Variants in SHROOM2 observed in about 807,000 individuals in gnomAD.
SHROOM2 encodes protein Shroom2.
A neutral mutation model predicts 75.9 loss-of-function variants in SHROOM2; 33 were observed. That is an observed-to-expected ratio of 0.43 (90% CI 0.33 to 0.58). The LOEUF (loss-of-function observed/expected upper bound fraction) is 0.58. SHROOM2 is among the 20% of genes least tolerant of loss of function. SHROOM2 has a pLI of 0.04. For missense variants in SHROOM2, 1,434 were observed against 1,461.2 expected (o/e 0.98, Z 0.30); for synonymous variants, 655 against 663.6 (o/e 0.99, Z 0.20).
chrX:9,897,544 C>G (rs192922318), intron 4 of SHROOM2, among the ~76,000 whole-genome samples: 1,313 of 78,572 alleles, frequency 0.017, 33 homozygotes, highest in African/African-American at 0.059. Context: ...CAAAGCAAGA[C>G]CTTATCTCTA....
intron 1 of SHROOM2, among the ~76,000 whole-genome samples, chrX:9,820,408 A>G (rs753866202): frequency 1.1e-3 from 116 of 110,157 alleles, no homozygotes; most frequent in African/African-American, 3.7e-3. Context: ...TCTGTCACCC[A>G]GGCTGGAGTG....
chrX:9,935,462 G>A (rs1301419682), intron 6 of SHROOM2, among the ~76,000 whole-genome samples: 1 of 111,142 alleles, frequency 9.0e-6, no homozygotes, highest in Non-Finnish European at 1.9e-5. Flanking sequence ...TTCCAGGTGT[G>A]AGCCACTGTG....
chrX:9,869,964 C>T (rs1460887953), intron 1 of SHROOM2, among the ~76,000 whole-genome samples: 3 of 111,585 alleles, frequency 2.7e-5, no homozygotes, highest in Non-Finnish European at 5.6e-5. Context: ...ATGTTTGTAA[C>T]CCCAGCACTT....
rs185760351 is a variant in SHROOM2, at chrX:9,921,556, G to A, written c.2892-10619G>A. 6.0e-3 allele frequency among the ~76,000 whole-genome samples: 547 copies of A among 90,474 alleles called. 2 individuals carry two copies. The highest frequency in any genetic ancestry group is 0.025 in the African/African-American group (531 of 21,047). The allele number at this position is 90,474 out of a possible 115,157, so 78.6% of individuals were successfully genotyped here. ...CTACAGACGCTGCGCTGTGCAGTAGGTCTCTGGGTAATTCATCTTGCGTAA... is the reference window on the plus strand; with the variant it reads ...CTACAGACGCTGCGCTGTGCAGTAGATCTCTGGGTAATTCATCTTGCGTAA... On this transcript the variant is annotated intron_variant, in intron 5 of 9. Coordinates refer to ENST00000380913, the MANE Select transcript of SHROOM2 (RefSeq NM_001649.4).
chrX:9,836,983 T>C (rs2083949598), intron 1 of SHROOM2, among the ~76,000 whole-genome samples: 1 of 112,475 alleles, frequency 8.9e-6, no homozygotes, highest in Non-Finnish European at 1.9e-5. Flanking sequence ...TGGTGTTCTG[T>C]GACTGGCTTT....
At chrX:9,806,402 AAAT>A (rs2083752239) in intron 1 of SHROOM2, among the ~76,000 whole-genome samples, 1 of 109,297 alleles carries the variant, frequency 9.1e-6, no homozygotes, top group Non-Finnish European at 1.9e-5. Flanking sequence ...AATATATATA[AAAT>A]AATCAAATAC....
intron 1 of SHROOM2, among the ~76,000 whole-genome samples, chrX:9,848,621 G>C (rs1187552614): frequency 9.1e-6 from 1 of 110,272 alleles, no homozygotes; most frequent in Non-Finnish European, 1.9e-5. Context: ...AGAGGAACTA[G>C]GAGGAGACTT....
intron 1 of SHROOM2, among the ~76,000 whole-genome samples, chrX:9,844,824 TAAA>T (rs2083997391): frequency 3.6e-5 from 4 of 110,148 alleles, no homozygotes; most frequent in Admixed American, 2.0e-4. Flanking sequence ...TTAAAATAAA[TAAA>T]TAAATTAATT....
intron 5 of SHROOM2, among the ~76,000 whole-genome samples, 175 bp downstream of exon 5, chrX:9,898,465 G>A (rs2084347509): frequency 8.9e-6 from 1 of 112,690 alleles, no homozygotes; most frequent in South Asian, 3.6e-4. Flanking sequence ...GGCAGAGCCT[G>A]TGCACCCTGC....
At chrX:9,798,038 C>CA (rs972392871) in intron 1 of SHROOM2, among the ~76,000 whole-genome samples, 1 of 111,507 alleles carries the variant, frequency 9.0e-6, no homozygotes, top group African/African-American at 3.3e-5. Context: ...ATTAGACCAG[C>CA]AAAGAGAGGA....
intron 1 of SHROOM2, among the ~76,000 whole-genome samples, chrX:9,842,424 CTGT>C (rs1467447901): frequency 8.9e-6 from 1 of 112,601 alleles, no homozygotes; most frequent in African/African-American, 3.2e-5. Flanking sequence ...AGACATCCTC[CTGT>C]TGTTTCCTTT....
At position 9,896,607 on chromosome X, in the gene SHROOM2, A is replaced by G. The variant is rs1569162164; in HGVS notation, c.2699A>G (p.Asp900Gly). 1 of 1,209,914 alleles carries G rather than the reference A, an allele frequency of 8.3e-7. No homozygotes were observed. The highest frequency in any genetic ancestry group is 3.0e-5 in the East Asian group (1 of 33,793). ...TCTGGGCGCTGCCACTCAGCGGATG[A>G]CATCCTGGATGTGAGCCTGGACCCA... ...RSSGRCHSAD[D>G]ILDVSLDPQE... The change falls in exon 4 of 10, where the codon GAC becomes GGC. Residue 900 changes from aspartate (D) to glycine (G), a missense_variant. Physicochemically the swap from Asp to Gly is moderately conservative, Grantham distance 94. Transcript: ENST00000380913.
At chrX:9,854,218 C>T (rs190364790) in intron 1 of SHROOM2, among the ~76,000 whole-genome samples, 2 of 112,797 alleles carry the variant, frequency 1.8e-5, no homozygotes, top group African/African-American at 6.4e-5. Flanking sequence ...TCAGATCGGA[C>T]GTGAGCAGTT....
chrX:9,945,039 T>C, intron 9 of SHROOM2, 126 bp downstream of exon 9: 2 of 652,097 alleles, frequency 3.1e-6, no homozygotes, highest in South Asian at 2.8e-5. Flanking sequence ...CACCTCCTCC[T>C]GCAGACCTTG....
chrX:9,913,600 T>C (rs1195908568), intron 5 of SHROOM2, among the ~76,000 whole-genome samples: 2 of 112,417 alleles, frequency 1.8e-5, no homozygotes, highest in African/African-American at 3.2e-5. Flanking sequence ...TGCATAAATA[T>C]GTTTGCACAC....
intron 2 of SHROOM2, among the ~76,000 whole-genome samples, chrX:9,882,378 A>G (rs778211408): frequency 1.8e-5 from 2 of 111,326 alleles, no homozygotes; most frequent in Non-Finnish European, 3.8e-5. Flanking sequence ...AAACATAGCC[A>G]GGAAATTGTG....
intron 1 of SHROOM2, chrX:9,865,554 C>CTTTTTT (rs56790591): frequency 1.4e-4 from 6 of 42,620 alleles, no homozygotes; most frequent in African/African-American, 4.3e-4. Context: ...TTCCTGCTGC[C>CTTTTTT]TTTTTTTTTT....
chrX:9,853,654 A>C (rs1303562565), intron 1 of SHROOM2, among the ~76,000 whole-genome samples: 1 of 111,956 alleles, frequency 8.9e-6, no homozygotes, highest in Non-Finnish European at 1.9e-5. Flanking sequence ...TTATTGGATT[A>C]GGGCCCTCCC....
chrX:9,886,576 A>G (rs943961890), intron 2 of SHROOM2, among the ~76,000 whole-genome samples: 1 of 111,809 alleles, frequency 8.9e-6, no homozygotes, highest in Non-Finnish European at 1.9e-5. Flanking sequence ...CAGAGGCTCT[A>G]TATGCATTAA....
Sources: gnomAD v4.1 joint callset for allele counts (sites outside exome capture counted in the v4.1 genomes callset) on GRCh38, gnomAD v4.1.1 for gene constraint, MANE v1.5 for transcripts, NCBI Gene and HGNC (gene_info 2026-07-23, HGNC 2026-07-21) for gene names.